The following ARHGAP18 variants were observed in gnomAD, a reference collection of about 807,000 sequenced individuals.
ARHGAP18 encodes rho GTPase-activating protein 18.
Under a neutral mutation model 86.2 loss-of-function variants are expected in ARHGAP18, and 67 were observed. The observed-to-expected ratio is 0.78, with a 90% CI of 0.64 to 0.95. The LOEUF (loss-of-function observed/expected upper bound fraction) is 0.95. Among genes scored for constraint, ARHGAP18 ranks in the 40% least tolerant of loss-of-function variants. ARHGAP18 has a pLI of 0.00. For synonymous variants in ARHGAP18, 283 were observed against 280.4 expected, an observed-to-expected ratio of 1.01 and a Z score of -0.09; for missense variants, 691 against 780.4, an observed-to-expected ratio of 0.89 and a Z score of 1.37.
chr6:129,695,025 T>C (rs747830251), intron 1 of ARHGAP18, among the ~76,000 whole-genome samples: 2 of 152,256 alleles, frequency 1.3e-5, no homozygotes, highest in South Asian at 2.1e-4. Flanking sequence ...TCTGACTAAT[T>C]CCAAAATGTA....
intron 12 of ARHGAP18, among the ~76,000 whole-genome samples, chr6:129,585,729 C>T (rs1788384458): frequency 6.6e-6 from 1 of 152,206 alleles, no homozygotes; most frequent in Non-Finnish European, 1.5e-5. Flanking sequence ...ACACTCATGA[C>T]TTTGCTGGGC....
intron 4 of ARHGAP18, 22 bp downstream of exon 4, chr6:129,634,012 AAAAAAAAC>A: frequency 6.3e-7 from 1 of 1,576,782 alleles, no homozygotes; most frequent in South Asian, 1.2e-5. Context: ...GGCGGAAAAA[AAAAAAAAC>A]AAGAGAACAG....
intron 4 of ARHGAP18, among the ~76,000 whole-genome samples, chr6:129,629,813 T>G (rs572731787): frequency 6.6e-6 from 1 of 152,278 alleles, no homozygotes; most frequent in South Asian, 2.1e-4. Flanking sequence ...GATAGTAAAC[T>G]TTTAATAAAA....
At position 129,666,328 on chromosome 6, in the gene ARHGAP18, C is replaced by T. The variant is rs191432631; in HGVS notation, c.114-24310G>A. Among the ~76,000 whole-genome samples, 6 of 152,362 alleles carry T rather than the reference C, an allele frequency of 3.9e-5. No homozygotes were observed. The East Asian group carries it at 1.2e-3, about 29-fold the overall frequency. On this transcript the variant is annotated intron_variant, in intron 1 of 14. Coordinates refer to ENST00000368149, the MANE Select transcript of ARHGAP18 (RefSeq NM_033515.3). Reference sequence around the variant, plus strand: ...CTCAGATGCTGGGCAGCCAAAAGAACGGCAAGTGTCTAGCCACACCACTAA... The same window carrying T: ...CTCAGATGCTGGGCAGCCAAAAGAATGGCAAGTGTCTAGCCACACCACTAA...
chr6:129,618,637 A>G, intron 6 of ARHGAP18, 50 bp downstream of exon 6: 1 of 1,519,744 alleles, frequency 6.6e-7, no homozygotes. Flanking sequence ...AGCCAAGTCC[A>G]TCCTTGCTAT....
intron 5 of ARHGAP18, among the ~76,000 whole-genome samples, chr6:129,622,159 T>C (rs9375640): frequency 0.23 from 34,922 of 152,060 alleles, 4,436 homozygotes; most frequent in Non-Finnish European, 0.28. Flanking sequence ...GAGGCGAGCA[T>C]AGAATCAAAC....
At chr6:129,652,978 A>G in intron 1 of ARHGAP18, among the ~76,000 whole-genome samples, 1 of 152,252 alleles carries the variant, frequency 6.6e-6, no homozygotes, top group East Asian at 1.9e-4. Context: ...CTATGCTAAT[A>G]AAAACATCAA....
chr6:129,609,801 A>C (rs1788940852), intron 8 of ARHGAP18, among the ~76,000 whole-genome samples: 1 of 152,124 alleles, frequency 6.6e-6, no homozygotes, highest in African/African-American at 2.4e-5. Flanking sequence ...ATATCAGGTT[A>C]CTCGAATCCT....
In ARHGAP18 at chr6:129,651,734, G is replaced by A. The variant is rs575802185; in HGVS notation, c.114-9716C>T. On this transcript the variant is annotated intron_variant, in intron 1 of 14. Transcript: ENST00000368149. The stretch of plus-strand genomic sequence containing the variant: ...TCCTCTCTGCCACTGTTATCCACTC[G>A]TTCTCCAGTCATCCCCTGCTCAATT... 1.1e-4 allele frequency among the ~76,000 whole-genome samples: 17 copies of A among 152,198 alleles called. No homozygotes were observed. In the East Asian group the frequency reaches 3.1e-3, roughly 28 times the overall value.
chr6:129,691,166 G>C (rs924781196), intron 1 of ARHGAP18, among the ~76,000 whole-genome samples: 2 of 152,146 alleles, frequency 1.3e-5, no homozygotes, highest in African/African-American at 2.4e-5. Context: ...GTTTATGGGG[G>C]AAGGAAGGAA....
intron 2 of ARHGAP18, among the ~76,000 whole-genome samples, chr6:129,641,466 T>C (rs1020112942): frequency 3.3e-5 from 5 of 152,164 alleles, no homozygotes; most frequent in Admixed American, 2.6e-4. Context: ...TCTATCACCA[T>C]CTGCACTCAC....
At position 129,608,064 on chromosome 6, in the gene ARHGAP18, G is replaced by GGAAA. The variant is rs1788893823; in HGVS notation, c.1123-13_1123-12insTTTC. The GGAAA allele has an allele frequency of 1.2e-6, 1 of 800,210 alleles. No individual in the cohort carries two copies. Among genetic ancestry groups the GGAAA allele is most frequent in the Admixed American group, 7.5e-5 (1 of 13,396 alleles). 49.6% of individuals were successfully genotyped at this position (800,210 alleles called of 1,614,324 possible). A position where few individuals can be genotyped will look rare whatever the true frequency, so the allele number is the denominator to read the frequency against. The stretch of plus-strand genomic sequence containing the variant: ...TCTTGGCAAAGATTCTGATAGGCAC[G>GGAAA]AAAAAAAAAAAAAAAAAAAAAAGAA... On this transcript the variant is annotated splice_polypyrimidine_tract_variant and intron_variant, in intron 8 of 14. Transcript: ENST00000368149.
chr6:129,628,303 T>C (rs1023990133), intron 5 of ARHGAP18, among the ~76,000 whole-genome samples: 8 of 152,114 alleles, frequency 5.3e-5, no homozygotes, highest in African/African-American at 1.9e-4. Context: ...AAGAAGCAAT[T>C]ACGGAAGACT....
chr6:129,579,824 T>C (rs1788250606), intron 14 of ARHGAP18, among the ~76,000 whole-genome samples: 1 of 152,112 alleles, frequency 6.6e-6, no homozygotes, highest in East Asian at 1.9e-4. Flanking sequence ...ATTCCAGGAG[T>C]TATTCTTACT....
At chr6:129,655,209 C>G (rs1773801044) in intron 1 of ARHGAP18, among the ~76,000 whole-genome samples, 1 of 150,832 alleles carries the variant, frequency 6.6e-6, no homozygotes, top group African/African-American at 2.4e-5. Context: ...ATCCCAGCTA[C>G]TCGGGAGGCT....
intron 13 of ARHGAP18, among the ~76,000 whole-genome samples, chr6:129,581,110 G>A (rs774154718): frequency 6.6e-6 from 1 of 152,208 alleles, no homozygotes; most frequent in Non-Finnish European, 1.5e-5. Flanking sequence ...GCATGGCAAG[G>A]TTAGTGGACC....
intron 13 of ARHGAP18, among the ~76,000 whole-genome samples, chr6:129,580,418 G>A (rs1186524365): frequency 4.6e-5 from 7 of 152,114 alleles, no homozygotes; most frequent in South Asian, 4.2e-4. Context: ...TAACATTTCC[G>A]CTGCCAATCA....
chr6:129,594,030 T>C lies in ARHGAP18; in HGVS notation c.1713+5186A>G, dbSNP rs541159405. 5.9e-5 allele frequency among the ~76,000 whole-genome samples: 9 copies of C among 152,318 alleles called. No homozygotes were observed. In the South Asian group the frequency reaches 1.9e-3, roughly 32 times the overall value. On this transcript the variant is annotated intron_variant, in intron 12 of 14. Transcript: ENST00000368149. ...TGTCACTGTTTTACCCAGGCTGGCATCTAACTCTTAGGCTCAAGTGATCCT... is the reference window on the plus strand; with the variant it reads ...TGTCACTGTTTTACCCAGGCTGGCACCTAACTCTTAGGCTCAAGTGATCCT...
At chr6:129,611,639 T>G (rs1252315130) in intron 7 of ARHGAP18, 29 bp from the exon 8 acceptor site, 2 of 1,596,466 alleles carry the variant, frequency 1.3e-6, no homozygotes, top group Non-Finnish European at 1.7e-6. Context: ...ACATTCTAAT[T>G]TCCGTATTTG....
Sources: gnomAD v4.1 joint callset for allele counts (sites outside exome capture counted in the v4.1 genomes callset) on GRCh38, gnomAD v4.1.1 for gene constraint, MANE v1.5 for transcripts, NCBI Gene and HGNC (gene_info 2026-07-23, HGNC 2026-07-21) for gene names.